CSE1L: variants seen among roughly 807,000 people sequenced by gnomAD.
CSE1L encodes the protein exportin-2.
CSE1L carries 24 observed loss-of-function variants against 120.4 expected under a neutral mutation model. That is an observed-to-expected ratio of 0.20 (90% CI 0.14 to 0.28). The LOEUF (loss-of-function observed/expected upper bound fraction) is 0.28. CSE1L is among the 10% of genes least tolerant of loss of function. The pLI, the probability that CSE1L is intolerant of heterozygous loss-of-function variation, is 1.00. For synonymous variants in CSE1L, 402 were observed against 398.3 expected (o/e 1.01, Z -0.11); for missense variants, 830 against 1,145.2 (o/e 0.72, Z 3.97).
intron 13 of CSE1L, 101 bp downstream of exon 13, chr20:49,077,165 T>TC: frequency 4.2e-6 from 3 of 722,410 alleles, no homozygotes; most frequent in Non-Finnish European, 6.6e-6. Context: ...TTTTTTTTTT[T>TC]TTTTTTTCTT....
intron 10 of CSE1L, among the ~76,000 whole-genome samples, chr20:49,074,049 T>C (rs964863893): frequency 1.2e-4 from 18 of 151,840 alleles, no homozygotes; most frequent in African/African-American, 4.4e-4. Context: ...ACCTTATCTC[T>C]ACAATAAATA....
chr20:49,047,037 G>C (rs1451028916), intron 1 of CSE1L, among the ~76,000 whole-genome samples: 1 of 152,210 alleles, frequency 6.6e-6, no homozygotes, highest in Non-Finnish European at 1.5e-5. Flanking sequence ...AATTCTAGTC[G>C]GTACACCCGG....
chr20:49,095,716 C>A (rs2092134408), intron 24 of CSE1L, among the ~76,000 whole-genome samples: 1 of 152,230 alleles, frequency 6.6e-6, no homozygotes, highest in East Asian at 1.9e-4. Context: ...AGAGTTCTTA[C>A]ATGTTACCTG....
At chr20:49,058,301 C>T (rs2091825114) in intron 1 of CSE1L, among the ~76,000 whole-genome samples, 152 bp from the exon 2 acceptor site, 1 of 152,048 alleles carries the variant, frequency 6.6e-6, no homozygotes, top group Non-Finnish European at 1.5e-5. Context: ...ATTTGCTGGA[C>T]TCTTGTCTCA....
At chr20:49,047,564 C>CTTTTTTTTTTTTTTTTTTTTTTTGT (rs2091726985) in intron 1 of CSE1L, among the ~76,000 whole-genome samples, 1 of 69,928 alleles carries the variant, frequency 1.4e-5, no homozygotes, top group Admixed American at 1.4e-4. Flanking sequence ...TTTCTCTTTT[C>CTTTTTTTTTTTTTTTTTTTTTTTGT]TTTTTTTTTT....
intron 1 of CSE1L, among the ~76,000 whole-genome samples, chr20:49,047,151 C>T (rs917092730): frequency 1.3e-5 from 2 of 152,144 alleles, no homozygotes; most frequent in Non-Finnish European, 2.9e-5. Context: ...ATTAGATCGC[C>T]TGGGTTCATT....
At chr20:49,063,433 G>A (rs2091867704) in intron 3 of CSE1L, 89 bp downstream of exon 3, 4 of 807,620 alleles carry the variant, frequency 5.0e-6, no homozygotes, top group Admixed American at 7.2e-5. Flanking sequence ...GCACGTGCTT[G>A]TAGTCCCAAC....
At chr20:49,095,970 C>CAT (rs2092136736) in intron 24 of CSE1L, among the ~76,000 whole-genome samples, 1 of 152,136 alleles carries the variant, frequency 6.6e-6, no homozygotes, top group Non-Finnish European at 1.5e-5. Context: ...ATGAAGCCTG[C>CAT]ATGTGCCCAG....
intron 6 of CSE1L, among the ~76,000 whole-genome samples, chr20:49,067,577 C>T (rs1042621114): frequency 4.6e-5 from 7 of 151,868 alleles, no homozygotes; most frequent in Non-Finnish European, 8.8e-5. Flanking sequence ...GTATGTGTCT[C>T]TAAAGGAAGA....
intron 6 of CSE1L, 29 bp downstream of exon 6, chr20:49,067,309 A>T: frequency 7.1e-7 from 1 of 1,401,122 alleles, no homozygotes; most frequent in South Asian, 1.2e-5. Context: ...TGATATTTTT[A>T]AATTAATATT....
intron 1 of CSE1L, among the ~76,000 whole-genome samples, chr20:49,050,043 A>G (rs2091753946): frequency 6.6e-6 from 1 of 152,140 alleles, no homozygotes; most frequent in Non-Finnish European, 1.5e-5. Flanking sequence ...AAAGAGTATT[A>G]AGATTCTGGG....
Position 49,072,461 on chromosome 20 carries a change from G to A in CSE1L, c.936+8G>A, listed in dbSNP as rs2091939739. ...GAGGTTAAATATGATTTGGTAAGATGATGGTGGAGACAAATAATTAAAAGA... is the reference window on the plus strand; with the variant it reads ...GAGGTTAAATATGATTTGGTAAGATAATGGTGGAGACAAATAATTAAAAGA... On this transcript the variant is annotated splice_region_variant and intron_variant, in intron 9 of 24. Transcript: ENST00000262982. 1 of 1,612,318 alleles carries A rather than the reference G, an allele frequency of 6.2e-7. No individual in the cohort carries two copies. Among genetic ancestry groups the A allele is most frequent in the Non-Finnish European group, 8.5e-7 (1 of 1,178,624 alleles).
At chr20:49,047,726 G>T (rs2091730814) in intron 1 of CSE1L, among the ~76,000 whole-genome samples, 1 of 151,056 alleles carries the variant, frequency 6.6e-6, no homozygotes, top group Non-Finnish European at 1.5e-5. Flanking sequence ...ACAGGTCTGA[G>T]ACTACACGCC....
intron 24 of CSE1L, among the ~76,000 whole-genome samples, chr20:49,095,816 G>A (rs1013650529): frequency 6.6e-6 from 1 of 152,066 alleles, no homozygotes; most frequent in Non-Finnish European, 1.5e-5. Context: ...AGCTATTACA[G>A]TGCCACTGCA....
At position 49,090,850 on chromosome 20, in the gene CSE1L, C is replaced by A; in HGVS notation, c.2279+11C>A. The stretch of plus-strand genomic sequence containing the variant: ...AGAGCACATGCCTCCGTGAGTATGA[C>A]TAGAACTTTGTGCATTTATTTAGAA... On this transcript the variant is annotated intron_variant, in intron 20 of 24. Coordinates refer to ENST00000262982, the MANE Select transcript of CSE1L (RefSeq NM_001316.4). 1 of 1,608,604 alleles carries A rather than the reference C, an allele frequency of 6.2e-7. No homozygotes were observed. The highest frequency in any genetic ancestry group is 8.5e-7 in the Non-Finnish European group (1 of 1,176,720).
At chr20:49,050,716 C>T (rs2091760855) in intron 1 of CSE1L, among the ~76,000 whole-genome samples, 2 of 151,602 alleles carry the variant, frequency 1.3e-5, no homozygotes, top group African/African-American at 4.8e-5. Flanking sequence ...CGGCCTGAGC[C>T]CAGCTAATTT....
intron 14 of CSE1L, among the ~76,000 whole-genome samples, chr20:49,082,539 T>C (rs146184084): frequency 6.6e-6 from 1 of 152,300 alleles, no homozygotes; most frequent in East Asian, 1.9e-4. Context: ...GAGTCTTCGC[T>C]CTGTCGCTCA....
intron 1 of CSE1L, among the ~76,000 whole-genome samples, chr20:49,053,029 G>T (rs958878085): frequency 1.3e-5 from 2 of 152,098 alleles, no homozygotes; most frequent in Non-Finnish European, 2.9e-5. Flanking sequence ...AAGAAAATAA[G>T]CCCTGTGTGG....
Position 49,096,352 on chromosome 20 carries a change from C to A in CSE1L, c.2830C>A (p.Pro944Thr). The A allele has an allele frequency of 6.2e-7, 1 of 1,613,290 alleles. No individual in the cohort carries two copies. Among genetic ancestry groups the A allele is most frequent in the Middle Eastern group, 1.7e-4 (1 of 6,060 alleles). The change falls in exon 25 of 25, where the codon CCA becomes ACA. Residue 944 changes from proline to threonine, a missense_variant. Coordinates refer to ENST00000262982, the MANE Select transcript of CSE1L (RefSeq NM_001316.4). ...GTGTGTTTCCCATCTCTTGTAGGTT[C>A]CATCAATGGTGAGCACCAGCCTGAA... is the stretch of plus-strand genomic sequence containing the variant. ...KLSTACPGRV[P>T]SMVSTSLNAE...
Sources: gnomAD v4.1 joint callset for allele counts (sites outside exome capture counted in the v4.1 genomes callset) on GRCh38, gnomAD v4.1.1 for gene constraint, MANE v1.5 for transcripts, NCBI Gene and HGNC (gene_info 2026-07-23, HGNC 2026-07-21) for gene names.